Variants in PCDH15 observed in about 807,000 individuals in gnomAD.
PCDH15 encodes the protein protocadherin-15.
A neutral mutation model predicts 178.5 loss-of-function variants in PCDH15; 129 were observed. That is an observed-to-expected ratio of 0.72 (90% CI 0.63 to 0.84). The LOEUF (loss-of-function observed/expected upper bound fraction) is 0.84. Among genes scored for constraint, PCDH15 ranks in the 40% least tolerant of loss-of-function variants. The pLI is 0.00. For synonymous variants in PCDH15, 800 were observed against 732.0 expected, an observed-to-expected ratio of 1.09 and a Z score of -1.50; for missense variants, 2,230 against 2,099.9, an observed-to-expected ratio of 1.06 and a Z score of -1.21.
chr10:54,248,937 A>G (rs2056236814), intron 8 of PCDH15, among the ~76,000 whole-genome samples: 1 of 152,038 alleles, frequency 6.6e-6, no homozygotes, highest in Admixed American at 6.6e-5. Context: ...AAAATGGAGG[A>G]GTTTAATTTT....
chr10:54,791,727 T>A (rs940232738), intron 1 of PCDH15, among the ~76,000 whole-genome samples: 1 of 151,928 alleles, frequency 6.6e-6, no homozygotes, highest in African/African-American at 2.4e-5. Context: ...TACATTATGG[T>A]GATTCTATCT....
chr10:54,718,840 G>T (rs987166002), intron 1 of PCDH15, among the ~76,000 whole-genome samples: 2 of 151,658 alleles, frequency 1.3e-5, no homozygotes, highest in African/African-American at 4.8e-5. Flanking sequence ...GGCACTACAG[G>T]CATGCACCAC....
chr10:55,610,146 G>C (rs548278940), intron 2 of PCDH15, among the ~76,000 whole-genome samples: 2 of 152,148 alleles, frequency 1.3e-5, no homozygotes, highest in South Asian at 4.1e-4. Context: ...ACATCAAGAA[G>C]AAGTTGCAAA....
intron 8 of PCDH15, among the ~76,000 whole-genome samples, chr10:54,265,626 T>C (rs2057624013): frequency 1.3e-5 from 2 of 152,048 alleles, no homozygotes; most frequent in Non-Finnish European, 2.9e-5. Context: ...GAGTTTCTAT[T>C]CTATCAGAAA....
At chr10:54,523,952 C>G (rs984040062) in intron 3 of PCDH15, among the ~76,000 whole-genome samples, 1 of 152,040 alleles carries the variant, frequency 6.6e-6, no homozygotes, top group Non-Finnish European at 1.5e-5. Context: ...TCAAGAGAGC[C>G]CGTGTAAGGA....
intron 20 of PCDH15, among the ~76,000 whole-genome samples, chr10:54,014,044 C>CAACT (rs925089447): frequency 6.6e-6 from 1 of 151,550 alleles, no homozygotes; most frequent in African/African-American, 2.4e-5. Context: ...AGAGAAGATC[C>CAACT]AACTAAACAC....
In PCDH15 at chr10:55,439,515, T is replaced by C. The variant is rs539926556; in HGVS notation, c.-156+188110A>G. The stretch of plus-strand genomic sequence containing the variant: ...AAAAAATTAATGTAGCTGAAGACTT[T>C]AGATTAAAATAAAAGTTGGGGGGGA... On this transcript the variant is annotated intron_variant, in intron 2 of 5. Coordinates refer to the PCDH15 transcript ENST00000613346. 2.5e-4 allele frequency among the ~76,000 whole-genome samples: 38 copies of C among 152,086 alleles called. 1 individual carries two copies. Among genetic ancestry groups the C allele is most frequent in the African/African-American group, 8.2e-4 (34 of 41,514 alleles).
At chr10:54,056,788 C>T (rs760105549) in intron 18 of PCDH15, among the ~76,000 whole-genome samples, 4 of 152,124 alleles carry the variant, frequency 2.6e-5, no homozygotes, top group Non-Finnish European at 5.9e-5. Flanking sequence ...AGTCTTATCT[C>T]AGACACAGCT....
intron 1 of PCDH15, among the ~76,000 whole-genome samples, chr10:55,204,313 C>T (rs924166770): frequency 9.3e-5 from 14 of 150,002 alleles, no homozygotes; most frequent in Admixed American, 7.3e-4. Flanking sequence ...CACATATATA[C>T]ATATACAAAT....
chr10:54,800,595 TAGA>T (rs1327001158), intron 1 of PCDH15, among the ~76,000 whole-genome samples: 3 of 152,166 alleles, frequency 2.0e-5, no homozygotes, highest in Non-Finnish European at 2.9e-5. Flanking sequence ...TTGGAGGAAG[TAGA>T]AGAAGTGGTT....
rs750822290 is a variant in PCDH15 at position 54,346,423 on chromosome 10, A to C, written c.536T>G (p.Ile179Arg). The part of the protein sequence containing the change: ...GFSGDNGATD[I>R]DDGPNGQIEY... ...TATCTGTCCATTTGGTCCATCATCT[A>C]TATCTGTAGCTCCATTGTCTCCTGA... The change falls in exon 6 of 38, where the codon ATA (isoleucine) becomes AGA (arginine). Residue 179 changes from isoleucine (I) to arginine (R), a missense_variant. Physicochemically the swap from Ile to Arg is moderately conservative, Grantham distance 97. Coordinates refer to ENST00000644397, the MANE Select transcript of PCDH15 (RefSeq NM_001384140.1). The C allele has an allele frequency of 1.2e-6, 2 of 1,613,584 alleles. No individual in the cohort carries two copies. The highest frequency in any genetic ancestry group is 1.7e-6 in the Non-Finnish European group (2 of 1,179,680).
intron 1 of PCDH15, among the ~76,000 whole-genome samples, chr10:55,316,119 C>A (rs1843716298): frequency 6.6e-6 from 1 of 152,068 alleles, no homozygotes; most frequent in Non-Finnish European, 1.5e-5. Flanking sequence ...GTATATGTCC[C>A]AAAAATTTTT....
At chr10:55,571,815 G>C (rs2132110460) in intron 2 of PCDH15, among the ~76,000 whole-genome samples, 1 of 152,156 alleles carries the variant, frequency 6.6e-6, no homozygotes, top group South Asian at 2.1e-4. Context: ...GTTTATACAA[G>C]CCTGAGATTA....
chr10:55,118,369 C>A (rs1233999373), intron 2 of PCDH15, among the ~76,000 whole-genome samples: 2 of 152,162 alleles, frequency 1.3e-5, no homozygotes, highest in Non-Finnish European at 2.9e-5. Context: ...TGGCTTCTAG[C>A]TGTTGCATCA....
At position 54,056,762 on chromosome 10, in the gene PCDH15, AACAGTTGAAGTCCGAAGTCTTATCTCAG is replaced by A. The variant is rs2093898025; in HGVS notation, c.2220+9967_2220+9994del. Reference sequence around the variant, plus strand: ...TCTTAACTCATTTCAGCATTAACTCAACAGTTGAAGTCCGAAGTCTTATCTCAGACACAGCTAGTTCCTTCCGTCTATG... The same window carrying A: ...TCTTAACTCATTTCAGCATTAACTCAACACAGCTAGTTCCTTCCGTCTATG... On this transcript the variant is annotated intron_variant, in intron 18 of 37. Coordinates refer to ENST00000644397, the MANE Select transcript of PCDH15 (RefSeq NM_001384140.1). Among the ~76,000 whole-genome samples, 4 of 152,200 alleles carry A rather than the reference AACAGTTGAAGTCCGAAGTCTTATCTCAG, an allele frequency of 2.6e-5. No individual in the cohort carries two copies. In the South Asian group the frequency reaches 8.3e-4, roughly 32 times the overall value.
chr10:54,159,279 G>C (rs2045474127), intron 13 of PCDH15, among the ~76,000 whole-genome samples: 1 of 152,240 alleles, frequency 6.6e-6, no homozygotes, highest in Non-Finnish European at 1.5e-5. Flanking sequence ...AGTTGGTATA[G>C]TCAAGGTGAC....
At chr10:55,309,558 C>T (rs1588900403) in intron 1 of PCDH15, among the ~76,000 whole-genome samples, 1 of 151,382 alleles carries the variant, frequency 6.6e-6, no homozygotes, top group East Asian at 1.9e-4. Context: ...CTTTCTTTGA[C>T]ATTGTGCTTT....
intron 3 of PCDH15, among the ~76,000 whole-genome samples, chr10:54,865,039 T>C (rs1473861567): frequency 6.6e-6 from 1 of 152,172 alleles, no homozygotes; most frequent in Admixed American, 6.6e-5. Flanking sequence ...GAATGTGTGA[T>C]GGTTAATATT....
Position 54,563,605 on chromosome 10 carries a change from T to C in PCDH15, c.92-35728A>G, listed in dbSNP as rs79517602. 3.6e-3 allele frequency among the ~76,000 whole-genome samples: 553 copies of C among 152,262 alleles called. 4 individuals carry two copies. Among genetic ancestry groups the C allele is most frequent in the African/African-American group, 0.013 (527 of 41,542 alleles). Reference sequence around the variant, plus strand: ...GCTTCAGACAAAGGTTCTCTATAAATAATTGTGTCAAGATGTCATTACATC... The same window carrying C: ...GCTTCAGACAAAGGTTCTCTATAAACAATTGTGTCAAGATGTCATTACATC... On this transcript the variant is annotated intron_variant, in intron 2 of 37. Coordinates refer to ENST00000644397, the MANE Select transcript of PCDH15 (RefSeq NM_001384140.1).
Sources: allele counts gnomAD v4.1 joint callset (sites outside exome capture counted in the v4.1 genomes callset), GRCh38; gene constraint gnomAD v4.1.1; transcripts MANE v1.5; gene names NCBI Gene and HGNC (gene_info 2026-07-23, HGNC 2026-07-21).